Variants in CEP192 observed in about 807,000 individuals in gnomAD.
CEP192 encodes centrosomal protein of 192 kDa.
CEP192 carries 151 observed loss-of-function variants against 271.8 expected under a neutral mutation model. That is an observed-to-expected ratio of 0.56 (90% CI 0.49 to 0.64). The LOEUF (loss-of-function observed/expected upper bound fraction) is 0.64, where lower values mean the gene tolerates loss of function less well. Among genes scored for constraint, CEP192 ranks in the 30% least tolerant of loss-of-function variants. The pLI is 0.00. For missense variants in CEP192, 2,910 were observed against 3,020.5 expected (o/e 0.96, Z 0.86); for synonymous variants, 995 against 1,076.5 (o/e 0.92, Z 1.48).
At chr18:13,041,007 G>A (rs572036126) in intron 14 of CEP192, 51 bp downstream of exon 14, 63 of 1,508,610 alleles carry the variant, frequency 4.2e-5, no homozygotes, top group Admixed American at 3.5e-4. Flanking sequence ...TCTTAAATGC[G>A]TAACTTAGGG....
At chr18:13,063,038 G>A (rs983152721) in intron 21 of CEP192, among the ~76,000 whole-genome samples, 9 of 152,184 alleles carry the variant, frequency 5.9e-5, no homozygotes, top group African/African-American at 1.7e-4. Context: ...TTCCATCCAT[G>A]TTGTTGCAAA....
chr18:13,039,595 C>T (rs1049728581), intron 13 of CEP192, among the ~76,000 whole-genome samples: 2 of 152,052 alleles, frequency 1.3e-5, no homozygotes, highest in Non-Finnish European at 2.9e-5. Flanking sequence ...AGCAGGCAGG[C>T]AGAGCTGCTC....
At chr18:13,094,856 C>T (rs2039315504) in intron 34 of CEP192, among the ~76,000 whole-genome samples, 1 of 152,176 alleles carries the variant, frequency 6.6e-6, no homozygotes, top group Non-Finnish European at 1.5e-5. Flanking sequence ...CCCTTTTCTC[C>T]AGTACTCGAT....
At position 13,116,514 on chromosome 18, in the gene CEP192, A is replaced by G; in HGVS notation, c.7416+11A>G. 1 of 1,589,750 alleles carries G rather than the reference A, an allele frequency of 6.3e-7. No individual in the cohort carries two copies. ...TTTATTACACACTCAGTAAGTTGGA[A>G]ATATTACTATGGGTTTTGGAAAAAT... On this transcript the variant is annotated intron_variant, in intron 43 of 44. Coordinates refer to ENST00000506447, the MANE Select transcript of CEP192 (RefSeq NM_032142.4).
Position 13,013,010 on chromosome 18 carries a change from T to C in CEP192, c.504T>C (p.Asn168=). The C allele has an allele frequency of 6.6e-7, 1 of 1,507,050 alleles. No homozygotes were observed. The highest frequency in any genetic ancestry group is 9.0e-7 in the Non-Finnish European group (1 of 1,108,626). 93.4% of individuals were successfully genotyped at this position (1,507,050 alleles called of 1,614,324 possible). A position where few individuals can be genotyped will look rare whatever the true frequency, so the allele number is the denominator to read the frequency against. Residue 168 remains asparagine, a synonymous_variant, in exon 5 of 45, where the codon AAT becomes AAC. Transcript: ENST00000506447. ...ATTTTCATTTACAGTCATGGATGAA[T>C]AATAAGGAACCCAAGGTAACCTTTT... ...PIDFHLQSWM[N]NKEPKIVVLD...
At chr18:13,095,306 C>T (rs1038950499) in intron 34 of CEP192, among the ~76,000 whole-genome samples, 197 bp from the exon 35 acceptor site, 1 of 152,206 alleles carries the variant, frequency 6.6e-6, no homozygotes, top group African/African-American at 2.4e-5. Context: ...CCAGCCTGTA[C>T]ACATTGTAAA....
At chr18:13,022,809 A>G (rs559480728) in intron 9 of CEP192, among the ~76,000 whole-genome samples, 1 of 152,358 alleles carries the variant, frequency 6.6e-6, no homozygotes, top group South Asian at 2.1e-4. Flanking sequence ...GAGTCTTCCT[A>G]TCCATGAACA....
Position 13,049,030 on chromosome 18 carries a change from G to T in CEP192, c.2239G>T (p.Asp747Tyr). The change falls in exon 16 of 45, where the codon GAC becomes TAC. Residue 747 changes from aspartate (D) to tyrosine (Y), a missense_variant. Asp to Tyr is a radical substitution (Grantham distance 160). Transcript: ENST00000506447. ...CAAGGCACTTTCAAATAAAACCAGA[G>T]ACAAGACTTTTCAGGAAGATGAGAA... ...MIKALSNKTR[D>Y]KTFQEDEKQK... 1 of 1,614,048 alleles carries T rather than the reference G, an allele frequency of 6.2e-7. No homozygotes were observed. Among genetic ancestry groups the T allele is most frequent in the Non-Finnish European group, 8.5e-7 (1 of 1,180,012 alleles).
chr18:13,065,686 T>C (rs575407968), intron 21 of CEP192, among the ~76,000 whole-genome samples: 1 of 152,154 alleles, frequency 6.6e-6, no homozygotes, highest in Non-Finnish European at 1.5e-5. Flanking sequence ...CAAGTTATAT[T>C]CCATGCACTC....
chr18:13,047,501 C>T (rs991404742), intron 15 of CEP192, among the ~76,000 whole-genome samples: 3 of 152,166 alleles, frequency 2.0e-5, no homozygotes, highest in Non-Finnish European at 4.4e-5. Flanking sequence ...ACAGCATCCC[C>T]AGTGTTGGGC....
At chr18:13,113,762 G>C (rs2040311204) in intron 41 of CEP192, 57 bp downstream of exon 41, 1 of 1,481,414 alleles carries the variant, frequency 6.8e-7, no homozygotes, top group African/African-American at 1.4e-5. Flanking sequence ...AACAGAAAGG[G>C]AAATTAATAA....
intron 9 of CEP192, among the ~76,000 whole-genome samples, chr18:13,023,476 A>AT (rs71370926): frequency 0.014 from 1,925 of 138,804 alleles, 20 homozygotes; most frequent in East Asian, 0.041. Context: ...ATTTTTGTCA[A>AT]TTTTTTTTTT....
intron 40 of CEP192, among the ~76,000 whole-genome samples, chr18:13,110,273 G>A (rs2040149488): frequency 6.6e-6 from 1 of 152,160 alleles, no homozygotes; most frequent in Non-Finnish European, 1.5e-5. Context: ...ATAATCAAAC[G>A]ATCTTGAAAT....
chr18:13,014,247 A>G (rs2034519063), intron 5 of CEP192, among the ~76,000 whole-genome samples: 1 of 152,248 alleles, frequency 6.6e-6, no homozygotes, highest in South Asian at 2.1e-4. Flanking sequence ...GAAATTAATA[A>G]TATAAGGGAC....
intron 40 of CEP192, among the ~76,000 whole-genome samples, chr18:13,111,315 G>A (rs989009047): frequency 2.1e-4 from 32 of 151,962 alleles, no homozygotes; most frequent in African/African-American, 7.5e-4. Context: ...TAGTAGAGAT[G>A]GGGGTTTCAC....
intron 6 of CEP192, among the ~76,000 whole-genome samples, chr18:13,016,475 T>C (rs58690660): frequency 0.044 from 6,665 of 152,282 alleles, 218 homozygotes; most frequent in East Asian, 0.14. Flanking sequence ...ATCACATCCA[T>C]GGAGAGCAGG....
At chr18:13,042,101 C>G in intron 14 of CEP192, 103 bp from the exon 15 acceptor site, 1 of 880,166 alleles carries the variant, frequency 1.1e-6, no homozygotes. Context: ...GGTACAAAGA[C>G]ATCTTCCTTG....
intron 11 of CEP192, among the ~76,000 whole-genome samples, chr18:13,036,159 GTGTTT>G (rs1384642712): frequency 6.7e-6 from 1 of 148,682 alleles, no homozygotes; most frequent in East Asian, 2.0e-4. Context: ...AAAAAAAAAA[GTGTTT>G]TGTTTGTTTT....
chr18:13,053,227 G>A, intron 18 of CEP192, 137 bp downstream of exon 18: 1 of 734,394 alleles, frequency 1.4e-6, no homozygotes, highest in Non-Finnish European at 2.2e-6. Context: ...TTTTGTATTT[G>A]TGTGCACATA....
Sources: gnomAD v4.1 joint callset for allele counts (sites outside exome capture counted in the v4.1 genomes callset) on GRCh38, gnomAD v4.1.1 for gene constraint, MANE v1.5 for transcripts, NCBI Gene and HGNC (gene_info 2026-07-23, HGNC 2026-07-21) for gene names.